Variants in ETV6 observed in about 807,000 individuals in gnomAD.
ETV6 encodes transcription factor ETV6.
Under a neutral mutation model 51.1 loss-of-function variants are expected in ETV6, and 16 were observed. The ratio of observed to expected loss-of-function variants is 0.31; its 90% confidence interval spans 0.21 to 0.48. The LOEUF is 0.48. Ranked by LOEUF, ETV6 falls within the 20% of genes least tolerant of loss-of-function variation. The probability of loss-of-function intolerance (pLI) is 0.99; values close to 1 mark genes in which losing one functional copy is unlikely to be tolerated. For missense variants in ETV6, 458 were observed against 594.8 expected, an observed-to-expected ratio of 0.77 and a Z score of 2.39; for synonymous variants, 240 against 224.1, an observed-to-expected ratio of 1.07 and a Z score of -0.64.
chr12:11,809,721 A>G (rs892900789), intron 2 of ETV6, among the ~76,000 whole-genome samples: 3 of 151,480 alleles, frequency 2.0e-5, no homozygotes, highest in African/African-American at 7.3e-5. Flanking sequence ...TAATTAAACC[A>G]TATGCACATC....
chr12:11,702,200 G>A (rs1283054613), intron 1 of ETV6, among the ~76,000 whole-genome samples: 4 of 152,186 alleles, frequency 2.6e-5, no homozygotes, highest in Non-Finnish European at 5.9e-5. Context: ...AGGGCCTGAA[G>A]CAAGGCAGTG....
chr12:11,671,102 T>C (rs754514420), intron 1 of ETV6, among the ~76,000 whole-genome samples: 1 of 152,144 alleles, frequency 6.6e-6, no homozygotes, highest in Admixed American at 6.5e-5. Flanking sequence ...CTCATCCCAC[T>C]TGTTCCTGAA....
At chr12:11,719,210 C>T (rs751008779) in intron 1 of ETV6, among the ~76,000 whole-genome samples, 10 of 152,236 alleles carry the variant, frequency 6.6e-5, no homozygotes, top group Non-Finnish European at 1.0e-4. Flanking sequence ...ATTTGCTCCA[C>T]GCAGGAGGCC....
In ETV6 at chr12:11,895,077, C is replaced by T. The variant is rs1475850979; in HGVS notation, c.*4031C>T. On this transcript the variant is annotated 3_prime_UTR_variant, in exon 8 of 8. Transcript: ENST00000396373. ...CTAACCTGATACTCTTTTGACCCAACTGCATCAACACTAAACAGCTGCAGA... is the reference window on the plus strand; with the variant it reads ...CTAACCTGATACTCTTTTGACCCAATTGCATCAACACTAAACAGCTGCAGA... 1 of 233,452 alleles carries T rather than the reference C, an allele frequency of 4.3e-6. No homozygotes were observed. Among genetic ancestry groups the T allele is most frequent in the Non-Finnish European group, 8.5e-6 (1 of 117,992 alleles). The allele number at this position is 233,452 out of a possible 1,614,324, so 14.5% of individuals were successfully genotyped here. A position where few individuals can be genotyped will look rare whatever the true frequency, so the allele number is the denominator to read the frequency against.
At chr12:11,780,938 A>G (rs1945405043) in intron 2 of ETV6, among the ~76,000 whole-genome samples, 1 of 152,250 alleles carries the variant, frequency 6.6e-6, no homozygotes, top group African/African-American at 2.4e-5. Context: ...ATTCCCCCAG[A>G]TCAGCACACC....
intron 5 of ETV6, 114 bp downstream of exon 5, chr12:11,870,083 G>C: frequency 5.7e-6 from 7 of 1,235,772 alleles, no homozygotes; most frequent in Non-Finnish European, 7.7e-6. Context: ...CGCCCTCCAA[G>C]GCTCTCTGAG....
intron 1 of ETV6, among the ~76,000 whole-genome samples, chr12:11,713,511 C>T (rs1042679435): frequency 1.3e-5 from 2 of 152,114 alleles, no homozygotes; most frequent in East Asian, 3.8e-4. Context: ...CGCACTTCTC[C>T]CTCAGGGCCT....
intron 3 of ETV6, among the ~76,000 whole-genome samples, chr12:11,842,441 G>C (rs1591713070): frequency 1.7e-5 from 2 of 117,006 alleles, no homozygotes; most frequent in East Asian, 2.0e-4. Flanking sequence ...CACACACACA[G>C]TGTTATACAT....
chr12:11,812,246 C>G (rs1033793981), intron 2 of ETV6, among the ~76,000 whole-genome samples: 1 of 152,156 alleles, frequency 6.6e-6, no homozygotes, highest in South Asian at 2.1e-4. Context: ...CAAATCTTAC[C>G]AGAAAACTGG....
At chr12:11,874,692 G>GTGTATATA (rs1312232525) in intron 5 of ETV6, among the ~76,000 whole-genome samples, 1 of 143,530 alleles carries the variant, frequency 7.0e-6, no homozygotes, top group African/African-American at 2.6e-5. Context: ...ATGTATATGT[G>GTGTATATA]TGTATATATG....
intron 1 of ETV6, among the ~76,000 whole-genome samples, chr12:11,680,856 T>A (rs1311444983): frequency 1.3e-5 from 2 of 152,226 alleles, no homozygotes; most frequent in African/African-American, 4.8e-5. Flanking sequence ...ATCTCAGACC[T>A]TTTATTTCAG....
intron 2 of ETV6, among the ~76,000 whole-genome samples, chr12:11,806,136 C>T (rs1473631585): frequency 6.6e-6 from 1 of 152,132 alleles, no homozygotes; most frequent in Non-Finnish European, 1.5e-5. Context: ...ACAACAACAG[C>T]TTATGGGGCC....
In ETV6 at chr12:11,735,869, G is replaced by A. The variant is rs1865694617; in HGVS notation, c.34-16581G>A. Among the ~76,000 whole-genome samples the A allele has an allele frequency of 2.0e-5, 3 of 152,298 alleles. No homozygotes were observed. In the South Asian group the frequency reaches 6.2e-4, roughly 32 times the overall value. ...CCCGCCTTGGCCTCCCAAAGTGCGG[G>A]GATTACAGGCGTGAACCATCGCGCC... On this transcript the variant is annotated intron_variant, in intron 1 of 7. Coordinates refer to ENST00000396373, the MANE Select transcript of ETV6 (RefSeq NM_001987.5).
At position 11,652,898 on chromosome 12, in the gene ETV6, TG is replaced by T. The variant is rs1863932820; in HGVS notation, c.33+2739del. Among the ~76,000 whole-genome samples the T allele has an allele frequency of 2.0e-5, 3 of 152,332 alleles. No individual in the cohort carries two copies. The South Asian group carries it at 6.2e-4, about 32-fold the overall frequency. The stretch of plus-strand genomic sequence containing the variant: ...CTGTTTCTTTTGCACTGTGTAAGTT[TG>T]CTCCCATCGCCTGGGGAAGTTAATA... On this transcript the variant is annotated intron_variant, in intron 1 of 7. Coordinates refer to ENST00000396373, the MANE Select transcript of ETV6 (RefSeq NM_001987.5).
chr12:11,736,082 GT>G (rs949994948), intron 1 of ETV6, among the ~76,000 whole-genome samples: 44 of 152,000 alleles, frequency 2.9e-4, no homozygotes, highest in Non-Finnish European at 4.9e-4. Context: ...CCTTAAGTAA[GT>G]TTTTTTTCCC....
At chr12:11,817,713 G>C (rs1339295195) in intron 2 of ETV6, among the ~76,000 whole-genome samples, 1 of 152,182 alleles carries the variant, frequency 6.6e-6, no homozygotes, top group Admixed American at 6.5e-5. Flanking sequence ...CCCCATGCCA[G>C]CTCAAGAGCA....
Position 11,650,309 on chromosome 12 carries a change from G to A in ETV6, c.33+149G>A, listed in dbSNP as rs1223495165. The A allele has an allele frequency of 3.0e-5, 22 of 734,406 alleles. No homozygotes were observed. The Middle Eastern group carries it at 1.8e-3, about 62-fold the overall frequency. The allele number at this position is 734,406 out of a possible 1,614,324, so 45.5% of individuals were successfully genotyped here. Reference sequence around the variant, plus strand: ...CGAGAGGGAAAGAGATGCAGCTCGCGGTGGCTGCTGTACCCTTTAGCGTAA... The same window carrying A: ...CGAGAGGGAAAGAGATGCAGCTCGCAGTGGCTGCTGTACCCTTTAGCGTAA... On this transcript the variant is annotated intron_variant, in intron 1 of 7. Coordinates refer to ENST00000396373, the MANE Select transcript of ETV6 (RefSeq NM_001987.5).
rs778758120 is a variant in ETV6, at chr12:11,891,097, C to T, written c.*51C>T. ...GCCAGCAGCCCAGGGAACCCCTGCC[C>T]ACCAGGATTGCTGGAAGTGTGACGG... On this transcript the variant is annotated 3_prime_UTR_variant, in exon 8 of 8. Transcript: ENST00000396373. 5.6e-6 allele frequency: 8 copies of T among 1,435,014 alleles called. No individual in the cohort carries two copies. The Admixed American group carries it at 1.4e-4, about 25-fold the overall frequency. The allele number at this position is 1,435,014 out of a possible 1,614,324, so 88.9% of individuals were successfully genotyped here. A position where few individuals can be genotyped will look rare whatever the true frequency, so the allele number is the denominator to read the frequency against.
intron 3 of ETV6, among the ~76,000 whole-genome samples, chr12:11,842,068 C>T (rs1175186288): frequency 2.0e-4 from 27 of 131,750 alleles, no homozygotes; most frequent in Non-Finnish European, 3.3e-4. Context: ...GGCGACAGAG[C>T]GAGACTCCGT....
Sources: allele counts gnomAD v4.1 joint callset (sites outside exome capture counted in the v4.1 genomes callset), GRCh38; gene constraint gnomAD v4.1.1; transcripts MANE v1.5; gene names NCBI Gene and HGNC (gene_info 2026-07-23, HGNC 2026-07-21).